Variants in ST7L observed in about 807,000 individuals in gnomAD.
The protein encoded by ST7L is suppressor of tumorigenicity 7 protein-like.
In ST7L, 57 loss-of-function variants were observed where a neutral mutation model predicts 72.5. The ratio of observed to expected loss-of-function variants is 0.79; its 90% CI spans 0.64 to 0.98. ST7L has a LOEUF of 0.98. ST7L is among the 50% of genes least tolerant of loss of function. ST7L has a pLI of 0.00. For missense variants in ST7L, 576 were observed against 672.2 expected, an observed-to-expected ratio of 0.86 and a Z score of 1.58; for synonymous variants, 221 against 240.9, an observed-to-expected ratio of 0.92 and a Z score of 0.77.
At chr1:112,530,293 G>A (rs1349691502) in intron 14 of ST7L, 1 of 152,124 alleles carries the variant, frequency 6.6e-6, no homozygotes, top group Non-Finnish European at 1.5e-5. Flanking sequence ...GAGTAGTTTA[G>A]AATTTAGCCT....
At chr1:112,577,859 C>A (rs1663394965) in intron 10 of ST7L, among the ~76,000 whole-genome samples, 1 of 152,034 alleles carries the variant, frequency 6.6e-6, no homozygotes, top group Admixed American at 6.6e-5. Flanking sequence ...CTTACCTGCA[C>A]AATAAAGAGA....
Position 112,590,511 on chromosome 1 carries a change from T to C in ST7L, c.701+1014A>G, listed in dbSNP as rs184178279. 9.0e-4 allele frequency among the ~76,000 whole-genome samples: 137 copies of C among 152,318 alleles called. 1 individual carries two copies. Among genetic ancestry groups the C allele is most frequent in the Non-Finnish European group, 8.8e-5 (6 of 68,018 alleles). On this transcript the variant is annotated intron_variant, in intron 6 of 14. Coordinates refer to ENST00000358039, the MANE Select transcript of ST7L (RefSeq NM_017744.5). The stretch of plus-strand genomic sequence containing the variant: ...ATTTTTGCTCCACCGTGGGAAGGTC[T>C]TCTTAATAAGGATAGCGTATATACT...
chr1:112,577,530 CAAAAAAAAAAA>C (rs527682647), intron 10 of ST7L, among the ~76,000 whole-genome samples: 9 of 24,102 alleles, frequency 3.7e-4, no homozygotes, highest in Admixed American at 1.0e-3. Context: ...AACTCTGTCT[CAAAAAAAAAAA>C]AAAAAAAAAA....
At chr1:112,592,196 G>C (rs1009918642) in intron 5 of ST7L, among the ~76,000 whole-genome samples, 2 of 151,918 alleles carry the variant, frequency 1.3e-5, no homozygotes, top group Non-Finnish European at 2.9e-5. Flanking sequence ...TATTAATTTT[G>C]CTACCAATTT....
intron 13 of ST7L, among the ~76,000 whole-genome samples, chr1:112,544,567 C>G (rs1656750775): frequency 6.6e-6 from 1 of 152,192 alleles, no homozygotes; most frequent in South Asian, 2.1e-4. Flanking sequence ...TTCTTCTTCC[C>G]AACTTCAAAT....
chr1:112,550,996 T>C (rs1417502191), intron 12 of ST7L, among the ~76,000 whole-genome samples: 1 of 152,108 alleles, frequency 6.6e-6, no homozygotes, highest in African/African-American at 2.4e-5. Context: ...AAAGCAGAAT[T>C]GATAATTCTG....
chr1:112,543,883 A>AC (rs1422813737), intron 13 of ST7L, among the ~76,000 whole-genome samples: 92 of 151,636 alleles, frequency 6.1e-4, no homozygotes, highest in African/African-American at 2.1e-3. Flanking sequence ...AAAAAAAAAA[A>AC]AAAAAAAACC....
In ST7L at chr1:112,535,384, C is replaced by CTAATAA. The variant is rs202040552; in HGVS notation, c.1629+6561_1629+6566dup. Among the ~76,000 whole-genome samples, 157 of 148,530 alleles carry CTAATAA rather than the reference C, an allele frequency of 1.1e-3. 1 individual carries two copies. Among genetic ancestry groups the CTAATAA allele is most frequent in the African/African-American group, 3.6e-3 (145 of 40,210 alleles). ...CAGACTCTGTCTCCAAATAATAATACTAATAATAATAAGAAGAAGAAGAAG... is the reference window on the plus strand; with the variant it reads ...CAGACTCTGTCTCCAAATAATAATACTAATAATAATAATAATAAGAAGAAGAAGAAG... On this transcript the variant is annotated intron_variant, in intron 14 of 14. Transcript: ENST00000358039.
intron 9 of ST7L, among the ~76,000 whole-genome samples, chr1:112,579,707 A>G (rs1663792021): frequency 6.6e-6 from 1 of 152,182 alleles, no homozygotes; most frequent in Non-Finnish European, 1.5e-5. Context: ...TTCTGATCCC[A>G]GAATCATACT....
At position 112,591,606 on chromosome 1, in the gene ST7L, G is replaced by A; in HGVS notation, c.623-3C>T. 1.2e-6 allele frequency: 2 copies of A among 1,600,314 alleles called. No homozygotes were observed. The highest frequency in any genetic ancestry group is 2.3e-5 in the East Asian group (1 of 44,190). On this transcript the variant is annotated splice_polypyrimidine_tract_variant and splice_region_variant and intron_variant, in intron 5 of 14. Coordinates refer to ENST00000358039, the MANE Select transcript of ST7L (RefSeq NM_017744.5). ...TTCCCTCCAAGCCTTCTGCATAACT[G>A]TAGAAAAAAATTCCATAAAATAGAT...
At chr1:112,582,666 C>T (rs989370849) in intron 7 of ST7L, among the ~76,000 whole-genome samples, 194 bp from the exon 8 acceptor site, 5 of 151,928 alleles carry the variant, frequency 3.3e-5, no homozygotes, top group Non-Finnish European at 5.9e-5. Flanking sequence ...TCTATTTTTG[C>T]GCATGTTTCA....
At chr1:112,562,127 G>C (rs776879395) in intron 11 of ST7L, among the ~76,000 whole-genome samples, 2 of 151,678 alleles carry the variant, frequency 1.3e-5, no homozygotes, top group Non-Finnish European at 2.9e-5. Context: ...TACCACATTT[G>C]GCTAGCTTTT....
At chr1:112,557,268 C>T (rs1659359541) in intron 11 of ST7L, among the ~76,000 whole-genome samples, 1 of 152,086 alleles carries the variant, frequency 6.6e-6, no homozygotes, top group Non-Finnish European at 1.5e-5. Context: ...TCCCCCAACC[C>T]CCTTAAGCAA....
At chr1:112,538,755 G>T (rs952151723) in intron 14 of ST7L, among the ~76,000 whole-genome samples, 13 of 152,182 alleles carry the variant, frequency 8.5e-5, no homozygotes, top group African/African-American at 2.9e-4. Flanking sequence ...AAACAAGAAG[G>T]GGGTAGGGTT....
intron 2 of ST7L, among the ~76,000 whole-genome samples, chr1:112,615,751 C>G (rs185683801): frequency 1.0e-3 from 153 of 151,994 alleles, no homozygotes; most frequent in African/African-American, 3.5e-3. Flanking sequence ...TTTATTCATT[C>G]ATTTTTGAGA....
intron 3 of ST7L, among the ~76,000 whole-genome samples, chr1:112,609,424 G>C (rs1381915285): frequency 6.6e-6 from 1 of 152,010 alleles, no homozygotes; most frequent in Non-Finnish European, 1.5e-5. Flanking sequence ...TCAGCTACTT[G>C]GGAGGCTGAG....
At chr1:112,541,754 C>A in intron 14 of ST7L, 197 bp downstream of exon 14, 1 of 1,287,856 alleles carries the variant, frequency 7.8e-7, no homozygotes, top group South Asian at 2.8e-5. Context: ...ATTCTTTAAA[C>A]TTTTAAGCAA....
intron 14 of ST7L, among the ~76,000 whole-genome samples, chr1:112,535,723 A>T (rs1232678835): frequency 4.2e-5 from 6 of 144,108 alleles, no homozygotes; most frequent in African/African-American, 1.5e-4. Flanking sequence ...ACTCTGTCTC[A>T]AAAAAAAAAA....
At chr1:112,570,386 C>T (rs1019449447) in intron 11 of ST7L, among the ~76,000 whole-genome samples, 2 of 152,124 alleles carry the variant, frequency 1.3e-5, no homozygotes, top group Admixed American at 6.5e-5. Context: ...TAGTTTCCAG[C>T]TTTAACAAAT....
Sources: gnomAD v4.1 joint callset for allele counts (sites outside exome capture counted in the v4.1 genomes callset) on GRCh38, gnomAD v4.1.1 for gene constraint, MANE v1.5 for transcripts, NCBI Gene and HGNC (gene_info 2026-07-23, HGNC 2026-07-21) for gene names.